The following NCAM2 variants were observed in gnomAD, a reference collection of about 807,000 sequenced individuals.
NCAM2 encodes neural cell adhesion molecule 2, also known as N-CAM-2.
NCAM2 carries 30 observed loss-of-function variants against 98.1 expected under a neutral mutation model. The observed-to-expected ratio is 0.31, with a 90% CI of 0.23 to 0.41. NCAM2 has a LOEUF of 0.41. NCAM2 is among the 10% of genes least tolerant of loss of function. The pLI, the probability that NCAM2 is intolerant of heterozygous loss-of-function variation, is 1.00. For synonymous variants in NCAM2, 368 were observed against 342.4 expected (o/e 1.07, Z -0.83); for missense variants, 867 against 1,005.8 (o/e 0.86, Z 1.87).
intron 1 of NCAM2, among the ~76,000 whole-genome samples, chr21:21,267,332 C>A (rs901656029): frequency 6.6e-6 from 1 of 152,098 alleles, no homozygotes; most frequent in Non-Finnish European, 1.5e-5. Flanking sequence ...AGACTGTTTT[C>A]ATTTTGCTTT....
chr21:21,406,871 A>G (rs2076748751), intron 9 of NCAM2, among the ~76,000 whole-genome samples: 1 of 152,198 alleles, frequency 6.6e-6, no homozygotes, highest in Non-Finnish European at 1.5e-5. Context: ...CAAGTTCAAG[A>G]TAAAAATGTT....
chr21:21,306,839 AC>A (rs1469820629), intron 5 of NCAM2, among the ~76,000 whole-genome samples: 4 of 151,054 alleles, frequency 2.6e-5, no homozygotes, highest in Non-Finnish European at 5.9e-5. Flanking sequence ...TCCTCCCCCA[AC>A]CCCCTACTAC....
intron 1 of NCAM2, among the ~76,000 whole-genome samples, chr21:21,056,940 T>G (rs1195655666): frequency 2.0e-5 from 3 of 152,076 alleles, no homozygotes; most frequent in African/African-American, 7.2e-5. Flanking sequence ...TATCTGATAT[T>G]ATATACCCTC....
intron 1 of NCAM2, among the ~76,000 whole-genome samples, chr21:21,000,707 A>G (rs1436316412): frequency 6.6e-6 from 1 of 152,204 alleles, no homozygotes; most frequent in Non-Finnish European, 1.5e-5. Flanking sequence ...AGACACAGAT[A>G]TATATCAGAG....
intron 15 of NCAM2, among the ~76,000 whole-genome samples, chr21:21,482,919 A>G (rs1287388179): frequency 1.3e-5 from 2 of 152,002 alleles, no homozygotes; most frequent in Admixed American, 6.6e-5. Context: ...AAGAAACAAG[A>G]ATATTGGGAA....
chr21:21,096,076 T>C (rs1199179684), intron 1 of NCAM2, among the ~76,000 whole-genome samples: 1 of 151,690 alleles, frequency 6.6e-6, no homozygotes, highest in African/African-American at 2.4e-5. Flanking sequence ...CTTCATTTAT[T>C]TTGTCTTTGT....
chr21:21,066,393 C>A (rs188362226), intron 1 of NCAM2, among the ~76,000 whole-genome samples: 2 of 152,058 alleles, frequency 1.3e-5, no homozygotes, highest in Admixed American at 1.3e-4. Context: ...ATGTATGACT[C>A]TAAATGCAGT....
chr21:21,213,082 C>T (rs2069727014), intron 1 of NCAM2, among the ~76,000 whole-genome samples: 1 of 152,100 alleles, frequency 6.6e-6, no homozygotes, highest in Non-Finnish European at 1.5e-5. Flanking sequence ...AGTTGTCCCC[C>T]AAATGAGTCA....
Position 21,452,402 on chromosome 21 carries a change from C to T in NCAM2, c.1655-14204C>T, listed in dbSNP as rs1981261081. On this transcript the variant is annotated intron_variant, in intron 12 of 17. Coordinates refer to ENST00000400546, the MANE Select transcript of NCAM2 (RefSeq NM_004540.5). Reference sequence around the variant, plus strand: ...TAGAATTTTGAATTGCTAGAGATTCCATAGTGAAGAAAGTAATACAATGTC... The same window carrying T: ...TAGAATTTTGAATTGCTAGAGATTCTATAGTGAAGAAAGTAATACAATGTC... 2.1e-5 allele frequency among the ~76,000 whole-genome samples: 3 copies of T among 145,696 alleles called. No individual in the cohort carries two copies. In the South Asian group the frequency reaches 6.4e-4, roughly 31 times the overall value.
chr21:21,469,457 A>T (rs1386334402), intron 14 of NCAM2, among the ~76,000 whole-genome samples: 1 of 152,030 alleles, frequency 6.6e-6, no homozygotes, highest in Admixed American at 6.6e-5. Flanking sequence ...TTCCATAAGT[A>T]CCTTGGAGTA....
At chr21:21,166,668 A>G (rs1428732382) in intron 1 of NCAM2, among the ~76,000 whole-genome samples, 1 of 152,190 alleles carries the variant, frequency 6.6e-6, no homozygotes, top group Non-Finnish European at 1.5e-5. Flanking sequence ...CTTACTTTTA[A>G]TATTATACAT....
At chr21:21,149,637 A>T (rs372715525) in intron 1 of NCAM2, among the ~76,000 whole-genome samples, 4 of 150,542 alleles carry the variant, frequency 2.7e-5, no homozygotes, top group African/African-American at 7.4e-5. Flanking sequence ...TCATTTTTCA[A>T]CTCCCACTTA....
chr21:21,072,811 C>T (rs995258008), intron 1 of NCAM2, among the ~76,000 whole-genome samples: 4 of 151,956 alleles, frequency 2.6e-5, no homozygotes, highest in Non-Finnish European at 4.4e-5. Flanking sequence ...AACTTTCTCT[C>T]GTGGTAAAAT....
intron 14 of NCAM2, among the ~76,000 whole-genome samples, chr21:21,473,723 G>A (rs1984781948): frequency 6.6e-6 from 1 of 151,782 alleles, no homozygotes; most frequent in Admixed American, 6.6e-5. Context: ...ACTGTTTCTT[G>A]TTATGAATAA....
chr21:21,176,198 T>C (rs1169445477), intron 1 of NCAM2, among the ~76,000 whole-genome samples: 1 of 152,214 alleles, frequency 6.6e-6, no homozygotes, highest in Non-Finnish European at 1.5e-5. Context: ...TTTGTATTAC[T>C]GTGTTACCAT....
intron 1 of NCAM2, among the ~76,000 whole-genome samples, chr21:21,149,155 T>A (rs1277069267): frequency 6.6e-6 from 1 of 152,226 alleles, no homozygotes; most frequent in African/African-American, 2.4e-5. Flanking sequence ...TAATGCACAC[T>A]GTCTTTGTTC....
intron 1 of NCAM2, among the ~76,000 whole-genome samples, chr21:21,210,319 T>G (rs1185842276): frequency 6.6e-6 from 1 of 152,210 alleles, no homozygotes; most frequent in Admixed American, 6.5e-5. Context: ...CGGAAATAAT[T>G]CTAAACTACC....
intron 1 of NCAM2, among the ~76,000 whole-genome samples, chr21:21,216,899 G>C (rs1293898294): frequency 3.3e-5 from 5 of 152,176 alleles, no homozygotes; most frequent in Non-Finnish European, 4.4e-5. Flanking sequence ...AAGGTCTTTA[G>C]CAAATGTCTC....
chr21:21,026,624 T>C (rs1490914637), intron 1 of NCAM2, among the ~76,000 whole-genome samples: 1 of 122,526 alleles, frequency 8.2e-6, no homozygotes, highest in Non-Finnish European at 1.9e-5. Context: ...AAACTCCGTC[T>C]CAAAAAAAAA....
Sources: gnomAD v4.1 joint callset for allele counts (sites outside exome capture counted in the v4.1 genomes callset) on GRCh38, gnomAD v4.1.1 for gene constraint, MANE v1.5 for transcripts, NCBI Gene and HGNC (gene_info 2026-07-23, HGNC 2026-07-21) for gene names.